ARMCX4: variants seen among roughly 807,000 people sequenced by gnomAD.
The protein encoded by ARMCX4 is armadillo repeat containing X-linked 4, also known as armadillo repeat-containing X-linked protein 4.
In ARMCX4, 3 loss-of-function variants were observed where a neutral mutation model predicts 34.7. The observed-to-expected ratio is 0.09, with a 90% CI of 0.04 to 0.22. ARMCX4 has a LOEUF of 0.22. Among genes scored for constraint, ARMCX4 ranks in the 10% least tolerant of loss-of-function variants. ARMCX4 has a pLI of 1.00. For missense variants in ARMCX4, 1,448 were observed against 1,720.8 expected (o/e 0.84, Z 2.81); for synonymous variants, 513 against 632.8 (o/e 0.81, Z 2.84).
Position 101,433,108 on chromosome X carries a change from G to A in ARMCX4, n.165-10944G>A, listed in dbSNP as rs782077181. Reference sequence around the variant, plus strand: ...TACATATATGTGTATACATACGCACGTATACACATGTATGTATACATATTT... The same window carrying A: ...TACATATATGTGTATACATACGCACATATACACATGTATGTATACATATTT... On this transcript the variant is annotated intron_variant and non_coding_transcript_variant, in intron 2 of 3. Coordinates refer to the ARMCX4 transcript ENST00000430461. 7.7e-5 allele frequency among the ~76,000 whole-genome samples: 7 copies of A among 90,807 alleles called. No homozygotes were observed. In the South Asian group the frequency reaches 1.4e-3, roughly 18 times the overall value. The allele number at this position is 90,807 out of a possible 115,157, so 78.9% of individuals were successfully genotyped here. A position where few individuals can be genotyped will look rare whatever the true frequency, so the allele number is the denominator to read the frequency against.
chrX:101,533,439 A>T (rs1477376465), exon 13 of ARMCX4: 1 of 111,333 alleles, frequency 9.0e-6, no homozygotes, highest in Non-Finnish European at 1.9e-5. Flanking sequence ...TAGTCCCTAC[A>T]TTAAAGTCCC....
Position 101,489,130 on chromosome X carries a change from A to G in ARMCX4, c.541A>G (p.Lys181Glu), listed in dbSNP as rs1263838826. The G allele has an allele frequency of 1.7e-6, 2 of 1,156,358 alleles. No individual in the cohort carries two copies. The highest frequency in any genetic ancestry group is 2.3e-4 in the Middle Eastern group (1 of 4,308). ...AWALVAKTEA[K>E]REAMTQTKAE... is the part of the protein sequence containing the mutation. ...GGCGCTGGTTGCCAAGACAGAGGCC[A>G]AGAGAGAAGCAATGACCCAGACCAA... is the stretch of plus-strand genomic sequence containing the variant. Residue 181 changes from lysine (K) to glutamate (E), a missense_variant, in exon 6 of 6, where the codon AAG (lysine) becomes GAG (glutamate). Coordinates refer to ENST00000423738, the MANE Select transcript of ARMCX4 (RefSeq NM_001256155.3).
chrX:101,469,073 T>C (rs1292947998), intron 4 of ARMCX4, among the ~76,000 whole-genome samples: 1 of 111,859 alleles, frequency 8.9e-6, no homozygotes, highest in Non-Finnish European at 1.9e-5. Flanking sequence ...AAAGGTAATA[T>C]CTTTTGTGCC....
At chrX:101,486,340 T>C (rs1933712947) in intron 2 of ARMCX4, among the ~76,000 whole-genome samples, 1 of 111,147 alleles carries the variant, frequency 9.0e-6, no homozygotes, top group African/African-American at 3.3e-5. Context: ...TAAATTATAT[T>C]AAAGAATATT....
At chrX:101,508,624 G>A (rs1934511441) in intron 8 of ARMCX4, among the ~76,000 whole-genome samples, 1 of 111,113 alleles carries the variant, frequency 9.0e-6, no homozygotes, top group East Asian at 2.8e-4. Context: ...TAAATTTTGG[G>A]GGACATGATT....
downstream of ARMCX4, chrX:101,447,452 A>G (rs1931716082): frequency 8.9e-6 from 1 of 112,214 alleles, no homozygotes; most frequent in Non-Finnish European, 1.9e-5. Context: ...AACAGTAAGA[A>G]CATCGACTAA....
rs782614574 is a variant in ARMCX4, at chrX:101,491,221, C to T, written c.2632C>T (p.Arg878Cys). 32 of 1,142,173 alleles carry T rather than the reference C, an allele frequency of 2.8e-5. No homozygotes were observed. In the South Asian group the frequency reaches 2.9e-4, roughly 10 times the overall value. The allele number at this position is 1,142,173 out of a possible 1,213,427, so 94.1% of individuals were successfully genotyped here. A position where few individuals can be genotyped will look rare whatever the true frequency, so the allele number is the denominator to read the frequency against. ...GCCTCAGGTTTTGGCCAGCTCCCAG[C>T]GTGAGACCTTGCCTGGTGCCAGGAA... ...TQPQVLASSQRETLPGARNKV... is the reference protein window; with the variant it reads ...TQPQVLASSQCETLPGARNKV... The change falls in exon 6 of 6, where the codon CGT (arginine) becomes TGT (cysteine). Residue 878 changes from arginine to cysteine, a missense_variant. Transcript: ENST00000423738.
intron 4 of ARMCX4, among the ~76,000 whole-genome samples, chrX:101,470,731 C>T (rs1211032641): frequency 8.9e-6 from 1 of 112,030 alleles, no homozygotes; most frequent in Non-Finnish European, 1.9e-5. Context: ...TTTATCCATT[C>T]TCTTATTGTT....
chrX:101,439,810 C>G (rs1555996229), intron 2 of ARMCX4, among the ~76,000 whole-genome samples: 1 of 111,960 alleles, frequency 8.9e-6, no homozygotes, highest in Non-Finnish European at 1.9e-5. Context: ...GTTCTCATGC[C>G]TTGGTTTTCA....
intron 2 of ARMCX4, among the ~76,000 whole-genome samples, chrX:101,431,189 G>C (rs782043103): frequency 2.7e-4 from 30 of 111,684 alleles, no homozygotes; most frequent in Non-Finnish European, 4.1e-4. Flanking sequence ...CAAGCTGTAA[G>C]AACAGCTTGT....
intron 11 of ARMCX4, among the ~76,000 whole-genome samples, chrX:101,514,297 G>A (rs1556017101): frequency 3.9e-4 from 43 of 110,987 alleles, no homozygotes; most frequent in Non-Finnish European, 3.8e-5. Flanking sequence ...TGATTCCTGG[G>A]CCCATGAAAC....
rs1556010596 is a variant in ARMCX4, at chrX:101,493,878, T to C, written c.5289T>C (p.Asp1763=). 1 of 1,152,358 alleles carries C rather than the reference T, an allele frequency of 8.7e-7. No homozygotes were observed. The highest frequency in any genetic ancestry group is 2.6e-5 in the Admixed American group (1 of 38,302). The allele number at this position is 1,152,358 out of a possible 1,213,427, so 95.0% of individuals were successfully genotyped here. A position where few individuals can be genotyped will look rare whatever the true frequency, so the allele number is the denominator to read the frequency against. The change falls in exon 6 of 6, where the codon GAT becomes GAC. Residue 1763 remains aspartate, a synonymous_variant. Transcript: ENST00000423738. ...ADIVSRPDDK[D]EATTASRSGA... ...TTGTGTCCAGGCCTGATGATAAAGA[T>C]GAGGCCACTACTGCATCCAGATCAG...
At chrX:101,449,789 G>A (rs1490917794), downstream of ARMCX4, among the ~76,000 whole-genome samples, 1 of 111,383 alleles carries the variant, frequency 9.0e-6, no homozygotes, top group Non-Finnish European at 1.9e-5. Flanking sequence ...ATCTGTGTCT[G>A]GGCATTGAAG....
rs200263976 is a variant in ARMCX4, at chrX:101,512,795, TACATATATAC to T, written c.*1780+1760_*1780+1769del. ...ACACATATATATATACACATATATATACATATATACACATATATACACATATATATACACA... is the reference window on the plus strand; with the variant it reads ...ACACATATATATATACACATATATATACATATATACACATATATATACACA... On this transcript the variant is annotated intron_variant and NMD_transcript_variant, in intron 11 of 12. Coordinates refer to the ARMCX4 transcript ENST00000354842. Among the ~76,000 whole-genome samples, 493 of 102,657 alleles carry T rather than the reference TACATATATAC, an allele frequency of 4.8e-3. 1 individual carries two copies. The highest frequency in any genetic ancestry group is 0.016 in the African/African-American group (434 of 27,501). 89.1% of individuals were successfully genotyped at this position (102,657 alleles called of 115,157 possible).
At chrX:101,468,527 C>A (rs1293568787) in intron 4 of ARMCX4, among the ~76,000 whole-genome samples, 2 of 110,360 alleles carry the variant, frequency 1.8e-5, no homozygotes, top group South Asian at 7.8e-4. Context: ...TAGTCTCAAA[C>A]GACCCACCCG....
At chrX:101,433,041 C>T (rs200814635) in intron 2 of ARMCX4, among the ~76,000 whole-genome samples, 23,762 of 66,047 alleles carry the variant, frequency 0.36, 6,768 homozygotes, top group Non-Finnish European at 0.49. Context: ...CGTGTATATA[C>T]ACACATATGT....
At position 101,436,347 on chromosome X, in the gene ARMCX4, C is replaced by A. The variant is rs377304996; in HGVS notation, n.165-7705C>A. On this transcript the variant is annotated intron_variant and non_coding_transcript_variant, in intron 2 of 3. Coordinates refer to the ARMCX4 transcript ENST00000430461. ...AGCAGTGGTTTGTAGTTCTCCTTTA[C>A]GAGGTCCTTCACATCCCTTGTAAGT... Among the ~76,000 whole-genome samples the A allele has an allele frequency of 9.0e-5, 10 of 110,518 alleles. No individual in the cohort carries two copies. The South Asian group carries it at 1.2e-3, about 13-fold the overall frequency.
chrX:101,459,633 A>T (rs1932513208), intron 4 of ARMCX4, among the ~76,000 whole-genome samples: 1 of 112,423 alleles, frequency 8.9e-6, no homozygotes, highest in Non-Finnish European at 1.9e-5. Context: ...AGAGTCACGT[A>T]AAAGGTAAAA....
In ARMCX4 at chrX:101,470,270, T is replaced by C. The variant is rs1343640678; in HGVS notation, c.-472-15753T>C. 2.7e-5 allele frequency among the ~76,000 whole-genome samples: 3 copies of C among 112,202 alleles called. No homozygotes were observed. In the East Asian group the frequency reaches 8.4e-4, roughly 31 times the overall value. On this transcript the variant is annotated intron_variant and NMD_transcript_variant, in intron 4 of 15. Transcript: ENST00000433011. Reference sequence around the variant, plus strand: ...CACGTAATGGAATCCTGCAATACTCTTTTGTGTCTGGCTCTGTTCACTCAG... The same window carrying C: ...CACGTAATGGAATCCTGCAATACTCCTTTGTGTCTGGCTCTGTTCACTCAG...
Sources: allele counts gnomAD v4.1 joint callset (sites outside exome capture counted in the v4.1 genomes callset), GRCh38; gene constraint gnomAD v4.1.1; transcripts MANE v1.5; gene names NCBI Gene and HGNC (gene_info 2026-07-23, HGNC 2026-07-21).